The following ITPR2 variants were observed in gnomAD, a reference collection of about 807,000 sequenced individuals.
The protein encoded by ITPR2 is inositol 1,4,5-trisphosphate receptor type 2.
A neutral mutation model predicts 317.1 loss-of-function variants in ITPR2; 207 were observed. The observed-to-expected ratio is 0.65, with a 90% CI of 0.58 to 0.73. The LOEUF is 0.73. Among genes scored for constraint, ITPR2 ranks in the 30% least tolerant of loss-of-function variants. ITPR2 has a pLI of 0.00. For missense variants in ITPR2, 2,613 were observed against 3,284.0 expected, an observed-to-expected ratio of 0.80 and a Z score of 4.99; for synonymous variants, 1,156 against 1,149.1, an observed-to-expected ratio of 1.01 and a Z score of -0.12.
Position 26,476,894 on chromosome 12 carries a change from T to C in ITPR2, c.6219+18A>G, listed in dbSNP as rs200042832. 508 of 1,569,366 alleles carry C rather than the reference T, an allele frequency of 3.2e-4. No individual in the cohort carries two copies. Among genetic ancestry groups the C allele is most frequent in the Non-Finnish European group, 4.3e-4 (496 of 1,141,006 alleles). On this transcript the variant is annotated intron_variant, in intron 44 of 56. Transcript: ENST00000381340. ...TTAGGCTACCCAATATTGACCAAGC[T>C]TTTAAAAGTTTTCTTACCAGTTCTC...
At chr12:26,569,477 C>A (rs542270283) in intron 34 of ITPR2, among the ~76,000 whole-genome samples, 1 of 151,290 alleles carries the variant, frequency 6.6e-6, no homozygotes, top group East Asian at 2.0e-4. Context: ...TTACTTGAAC[C>A]CAGGGGAGTC....
chr12:26,417,161 G>A (rs145999164), intron 50 of ITPR2, among the ~76,000 whole-genome samples: 94 of 151,920 alleles, frequency 6.2e-4, no homozygotes, highest in Admixed American at 2.8e-3. Flanking sequence ...ACTTACATAC[G>A]ATTTTTGATA....
chr12:26,392,797 C>T (rs2136638259), intron 54 of ITPR2, among the ~76,000 whole-genome samples: 2 of 152,322 alleles, frequency 1.3e-5, no homozygotes, highest in Middle Eastern at 6.8e-3. Flanking sequence ...AATATCGCCA[C>T]AGCAAGATAC....
chr12:26,667,028 T>C (rs562283329), intron 13 of ITPR2, among the ~76,000 whole-genome samples: 1 of 152,342 alleles, frequency 6.6e-6, no homozygotes, highest in African/African-American at 2.4e-5. Flanking sequence ...ATACTTTTTT[T>C]GGTATAGACA....
chr12:26,672,749 A>G (rs11494765), intron 13 of ITPR2, among the ~76,000 whole-genome samples: 30,665 of 152,048 alleles, frequency 0.2, 3,831 homozygotes, highest in East Asian at 0.55. Context: ...AAAAAAATCA[A>G]TGAATCCAGG....
intron 55 of ITPR2, among the ~76,000 whole-genome samples, chr12:26,383,019 A>C (rs1939555057): frequency 6.6e-6 from 1 of 152,068 alleles, no homozygotes; most frequent in Non-Finnish European, 1.5e-5. Context: ...GCTTAGTGGG[A>C]GGCTTTTGGG....
chr12:26,728,933 G>C (rs1948981292), intron 2 of ITPR2, among the ~76,000 whole-genome samples: 1 of 152,170 alleles, frequency 6.6e-6, no homozygotes, highest in South Asian at 2.1e-4. Context: ...CCTTACACAT[G>C]CTGGATATTA....
At chr12:26,564,304 G>A (rs1223938366) in intron 34 of ITPR2, among the ~76,000 whole-genome samples, 2 of 152,178 alleles carry the variant, frequency 1.3e-5, no homozygotes, top group African/African-American at 4.8e-5. Flanking sequence ...GATACAATGT[G>A]AGAGAAGAAA....
At chr12:26,694,312 A>T (rs1275209207) in intron 10 of ITPR2, among the ~76,000 whole-genome samples, 17 of 152,190 alleles carry the variant, frequency 1.1e-4, no homozygotes, top group Admixed American at 1.1e-3. Context: ...CCCCCAACTA[A>T]TACGAGTGAC....
intron 37 of ITPR2, among the ~76,000 whole-genome samples, chr12:26,516,057 G>C (rs956095837): frequency 6.6e-6 from 1 of 151,290 alleles, no homozygotes; most frequent in Non-Finnish European, 1.5e-5. Context: ...CCTGAAGGCA[G>C]AGGTTGCAGT....
rs375247154 is a variant in ITPR2 at position 26,684,098 on chromosome 12, C to T, written c.1149-1425G>A. 2.0e-4 allele frequency among the ~76,000 whole-genome samples: 31 copies of T among 152,314 alleles called. No homozygotes were observed. In the East Asian group the frequency reaches 2.5e-3, roughly 12 times the overall value. ...TTCAAATATCTAAAATAGCAGTTCTCCAATCTTTGTTCAAATAACTAGAAA... is the reference window on the plus strand; with the variant it reads ...TTCAAATATCTAAAATAGCAGTTCTTCAATCTTTGTTCAAATAACTAGAAA... On this transcript the variant is annotated intron_variant, in intron 11 of 56. Transcript: ENST00000381340.
At position 26,339,400 on chromosome 12, in the gene ITPR2, G is replaced by A. The variant is rs1215173251; in HGVS notation, c.8103C>T (p.His2701=). ...TPHVNHHMPP[H] is the part of the protein sequence containing the mutation. ...GTCACGGCTTCCCCCCATGGTATCA[G>A]TGTGGTGGCATGTGATGATTCACAT... The change falls in exon 57 of 57, where the codon CAC becomes CAT. Residue 2701 remains histidine, a synonymous_variant. Transcript: ENST00000381340. 1.2e-6 allele frequency: 2 copies of A among 1,612,574 alleles called. No individual in the cohort carries two copies. The highest frequency in any genetic ancestry group is 4.5e-5 in the East Asian group (2 of 44,852).
chr12:26,603,271 A>C (rs1275741215), intron 26 of ITPR2, among the ~76,000 whole-genome samples: 1 of 152,256 alleles, frequency 6.6e-6, no homozygotes, highest in African/African-American at 2.4e-5. Context: ...AAAAATAAAA[A>C]GCAAATTAAA....
intron 2 of ITPR2, among the ~76,000 whole-genome samples, chr12:26,752,785 TA>T (rs146394459): frequency 0.032 from 4,851 of 152,178 alleles, 270 homozygotes; most frequent in African/African-American, 0.11. Flanking sequence ...CCCTTTCCTG[TA>T]ACATCATTCT....
chr12:26,347,306 T>A, intron 55 of ITPR2, among the ~76,000 whole-genome samples: 1 of 152,222 alleles, frequency 6.6e-6, no homozygotes, highest in South Asian at 2.1e-4. Flanking sequence ...TTGGTCTTTT[T>A]AGCTCTATTA....
rs1943908331 is a variant in ITPR2 at position 26,530,075 on chromosome 12, A to G, written c.5073+20172T>C. 3.3e-5 allele frequency among the ~76,000 whole-genome samples: 5 copies of G among 152,214 alleles called. No individual in the cohort carries two copies. The South Asian group carries it at 1.0e-3, about 31-fold the overall frequency. On this transcript the variant is annotated intron_variant, in intron 37 of 56. Transcript: ENST00000381340. ...GTAGTCCCATTAAGAATCTAAATCC[A>G]TAAGAGAGAAGGAGATCAGAGAATC...
At chr12:26,516,743 T>C (rs957164854) in intron 37 of ITPR2, among the ~76,000 whole-genome samples, 1 of 152,146 alleles carries the variant, frequency 6.6e-6, no homozygotes, top group African/African-American at 2.4e-5. Flanking sequence ...ATTTAAAAAG[T>C]ATTTCTTTGG....
In ITPR2 at chr12:26,628,147, T is replaced by C; in HGVS notation, c.2950A>G (p.Arg984Gly). The C allele has an allele frequency of 6.2e-7, 1 of 1,602,238 alleles. No individual in the cohort carries two copies. Among genetic ancestry groups the C allele is most frequent in the Non-Finnish European group, 8.5e-7 (1 of 1,172,666 alleles). Residue 984 changes from arginine to glycine, a missense_variant, in exon 23 of 57, where the codon AGA (arginine) becomes GGA (glycine). This residue lies in a region of ITPR2 where 817 missense variants were observed against 897.6 expected (regional missense o/e 0.91). Coordinates refer to ENST00000381340, the MANE Select transcript of ITPR2 (RefSeq NM_002223.4). ...ATATATGAGATCCTATAATCCAGTC[T>C]GACACTCAGGATAAACTATAAGAAA... ...IEILQFILSV[R>G]LDYRISYMLS... is the part of the protein sequence containing the mutation.
At chr12:26,597,207 A>C in intron 30 of ITPR2, 73 bp from the exon 31 acceptor site, 2 of 1,496,392 alleles carry the variant, frequency 1.3e-6, no homozygotes, top group Non-Finnish European at 1.8e-6. Flanking sequence ...AAGGCTTGAT[A>C]TATCTGGAAA....
Sources: gnomAD v4.1 joint callset for allele counts (sites outside exome capture counted in the v4.1 genomes callset) on GRCh38, gnomAD v4.1.1 for gene constraint, gnomAD v4.1.1 regional missense constraint, MANE v1.5 for transcripts, NCBI Gene and HGNC (gene_info 2026-07-23, HGNC 2026-07-21) for gene names.